The following KLHL28 variants were observed in gnomAD, a reference collection of about 807,000 sequenced individuals.
KLHL28 encodes the protein kelch-like protein 28.
A neutral mutation model predicts 48.3 loss-of-function variants in KLHL28; 22 were observed. The ratio of observed to expected loss-of-function variants is 0.46; its 90% CI spans 0.33 to 0.65. The LOEUF is 0.65. Among genes scored for constraint, KLHL28 ranks in the 30% least tolerant of loss-of-function variants. The probability of loss-of-function intolerance (pLI) is 0.03; values close to 1 mark genes in which losing one functional copy is unlikely to be tolerated. For synonymous variants in KLHL28, 243 were observed against 242.4 expected (o/e 1.00, Z -0.02); for missense variants, 527 against 704.3 (o/e 0.75, Z 2.85).
At chr14:44,935,466 T>C (rs1883770006) in intron 2 of KLHL28, among the ~76,000 whole-genome samples, 2 of 152,168 alleles carry the variant, frequency 1.3e-5, no homozygotes, top group African/African-American at 2.4e-5. Flanking sequence ...ATTTTTATTG[T>C]AGAAAGATAA....
intron 3 of KLHL28, 108 bp downstream of exon 3, chr14:44,934,007 T>G: frequency 1.3e-6 from 1 of 786,004 alleles, no homozygotes; most frequent in Non-Finnish European, 2.0e-6. Flanking sequence ...GTTTCCCAAA[T>G]GCCGGAAGTT....
intron 1 of KLHL28, among the ~76,000 whole-genome samples, chr14:44,954,737 T>A (rs1462535278): frequency 6.6e-6 from 1 of 152,232 alleles, no homozygotes; most frequent in Non-Finnish European, 1.5e-5. Context: ...AAGGTAGATA[T>A]TTTTGAATAT....
At chr14:44,940,925 C>A (rs1311428278) in intron 2 of KLHL28, among the ~76,000 whole-genome samples, 1 of 152,020 alleles carries the variant, frequency 6.6e-6, no homozygotes, top group African/African-American at 2.4e-5. Flanking sequence ...CATGGTGAAA[C>A]CCTGTTTCTA....
At chr14:44,951,471 G>C (rs966867618) in intron 1 of KLHL28, among the ~76,000 whole-genome samples, 1 of 152,128 alleles carries the variant, frequency 6.6e-6, no homozygotes. Context: ...CACTTTCCTA[G>C]ATCTATGTTG....
At chr14:44,954,856 A>G (rs573125885) in intron 1 of KLHL28, among the ~76,000 whole-genome samples, 1 of 152,352 alleles carries the variant, frequency 6.6e-6, no homozygotes, top group African/African-American at 2.4e-5. Flanking sequence ...AATTGAAAAT[A>G]CAAAGGAAGA....
At chr14:44,941,411 C>A (rs1328392980) in intron 2 of KLHL28, among the ~76,000 whole-genome samples, 1 of 151,298 alleles carries the variant, frequency 6.6e-6, no homozygotes, top group African/African-American at 2.4e-5. Flanking sequence ...GTGGGCAGAT[C>A]ACCTGAGGTC....
chr14:44,928,842 A>T lies in KLHL28; in HGVS notation c.*186T>A. 2.2e-6 allele frequency: 1 copy of T among 450,056 alleles called. No individual in the cohort carries two copies. Among genetic ancestry groups the T allele is most frequent in the Non-Finnish European group, 3.9e-6 (1 of 255,258 alleles). The allele number at this position is 450,056 out of a possible 1,614,324, so 27.9% of individuals were successfully genotyped here. On this transcript the variant is annotated 3_prime_UTR_variant, in exon 5 of 5. Transcript: ENST00000396128. Reference sequence around the variant, plus strand: ...CTTTTTTCTTTTTGATTATTGATTTACTGTGTAATCAAGAGCAACCAAAAC... The same window carrying T: ...CTTTTTTCTTTTTGATTATTGATTTTCTGTGTAATCAAGAGCAACCAAAAC...
At chr14:44,958,347 T>A (rs1291606421) in intron 1 of KLHL28, among the ~76,000 whole-genome samples, 1 of 151,770 alleles carries the variant, frequency 6.6e-6, no homozygotes, top group Non-Finnish European at 1.5e-5. Flanking sequence ...TAAATATAGA[T>A]CACACCCAGA....
chr14:44,932,232 A>G (rs1443384750), intron 3 of KLHL28, among the ~76,000 whole-genome samples: 1 of 109,624 alleles, frequency 9.1e-6, no homozygotes, highest in Non-Finnish European at 1.7e-5. Context: ...TAAGGGGAAA[A>G]GAAGAGGAAG....
intron 1 of KLHL28, among the ~76,000 whole-genome samples, chr14:44,949,513 C>A (rs955204384): frequency 4.6e-5 from 7 of 151,914 alleles, no homozygotes; most frequent in African/African-American, 1.7e-4. Context: ...GGAACAAATA[C>A]CCCCCAGAGT....
chr14:44,959,482 G>A (rs552672727), intron 1 of KLHL28: 21 of 152,176 alleles, frequency 1.4e-4, no homozygotes, highest in African/African-American at 4.3e-4. Flanking sequence ...ATAGTTTACA[G>A]AATTCACACT....
intron 1 of KLHL28, among the ~76,000 whole-genome samples, chr14:44,954,614 T>C (rs1264228861): frequency 1.3e-5 from 2 of 152,074 alleles, no homozygotes; most frequent in Non-Finnish European, 2.9e-5. Flanking sequence ...ATAGGGAAGA[T>C]TACAAACATA....
chr14:44,953,277 T>C (rs1341403376), intron 1 of KLHL28, among the ~76,000 whole-genome samples: 1 of 152,222 alleles, frequency 6.6e-6, no homozygotes, highest in East Asian at 1.9e-4. Flanking sequence ...TTCTGCTACA[T>C]ACCTACACCA....
intron 1 of KLHL28, chr14:44,961,019 TC>T (rs1885058095): frequency 1.4e-6 from 1 of 724,380 alleles, no homozygotes; most frequent in Non-Finnish European, 2.4e-6. Context: ...AAATATCTCT[TC>T]CACACTCCAA....
intron 1 of KLHL28, among the ~76,000 whole-genome samples, chr14:44,960,474 G>C (rs1884992541): frequency 6.6e-6 from 1 of 152,154 alleles, no homozygotes; most frequent in African/African-American, 2.4e-5. Context: ...AGCTTCTTAG[G>C]TTGGAACTGT....
rs897082376 is a variant in KLHL28 at position 44,926,907 on chromosome 14, A to G, written c.*2121T>C. 2.6e-5 allele frequency: 4 copies of G among 152,638 alleles called. No homozygotes were observed. The highest frequency in any genetic ancestry group is 9.6e-5 in the African/African-American group (4 of 41,462). 9.5% of individuals were successfully genotyped at this position (152,638 alleles called of 1,614,324 possible). ...ATATTTAATAATTTGATTGCTATAA[A>G]CAAAGAAAACTGAATTGGGGATTTA... is the stretch of plus-strand genomic sequence containing the variant. On this transcript the variant is annotated 3_prime_UTR_variant, in exon 5 of 5. Transcript: ENST00000396128.
chr14:44,956,168 C>T (rs899317333), intron 1 of KLHL28, among the ~76,000 whole-genome samples: 3 of 151,966 alleles, frequency 2.0e-5, no homozygotes, highest in South Asian at 2.1e-4. Flanking sequence ...GCTACCTTGC[C>T]GAAACTAGTC....
At chr14:44,930,114 C>T (rs763941888) in intron 4 of KLHL28, among the ~76,000 whole-genome samples, 1 of 152,096 alleles carries the variant, frequency 6.6e-6, no homozygotes, top group Admixed American at 6.6e-5. Flanking sequence ...CTCATTGTTT[C>T]TGTGGCTTTC....
chr14:44,929,065 A>T lies in KLHL28; in HGVS notation c.1679T>A (p.Ile560Lys). The change falls in exon 5 of 5, where the codon ATA becomes AAA. Residue 560 changes from isoleucine (I) to lysine (K), a missense_variant. Ile to Lys is a moderately radical substitution (Grantham distance 102). Coordinates refer to ENST00000396128, the MANE Select transcript of KLHL28 (RefSeq NM_017658.5). ...TAACCCAAAGTTGCAGCGACAGTAT[A>T]TCATGCCAGCTGAATCCAGCCACGT... ...SDTWLDSAGMIYCRCNFGLTA... is the reference protein window; with the variant it reads ...SDTWLDSAGMKYCRCNFGLTA... 2 of 1,614,068 alleles carry T rather than the reference A, an allele frequency of 1.2e-6. No individual in the cohort carries two copies. Among genetic ancestry groups the T allele is most frequent in the Non-Finnish European group, 1.7e-6 (2 of 1,179,982 alleles).
Sources: gnomAD v4.1 joint callset for allele counts (sites outside exome capture counted in the v4.1 genomes callset) on GRCh38, gnomAD v4.1.1 for gene constraint, MANE v1.5 for transcripts, NCBI Gene and HGNC (gene_info 2026-07-23, HGNC 2026-07-21) for gene names.